CDH4: variants seen among roughly 807,000 people sequenced by gnomAD.
The protein encoded by CDH4 is cadherin 4.
Under a neutral mutation model 86.0 loss-of-function variants are expected in CDH4, and 33 were observed. The observed-to-expected ratio is 0.38, with a 90% CI of 0.29 to 0.51. The LOEUF is 0.51. Ranked by LOEUF, CDH4 falls within the 20% of genes least tolerant of loss-of-function variation. The pLI is 0.86. For synonymous variants in CDH4, 555 were observed against 549.4 expected (o/e 1.01, Z -0.14); for missense variants, 1,114 against 1,307.4 (o/e 0.85, Z 2.28).
At chr20:61,915,112 G>A (rs900038043) in intron 9 of CDH4, among the ~76,000 whole-genome samples, 1 of 152,230 alleles carries the variant, frequency 6.6e-6, no homozygotes, top group Non-Finnish European at 1.5e-5. Context: ...CCATTTCACA[G>A]ATGGCATAAC....
intron 2 of CDH4, among the ~76,000 whole-genome samples, chr20:61,523,322 T>C (rs1322300146): frequency 2.0e-5 from 3 of 152,260 alleles, no homozygotes; most frequent in Non-Finnish European, 4.4e-5. Flanking sequence ...CGCTGGTCTC[T>C]GCTCGCCGGT....
intron 2 of CDH4, among the ~76,000 whole-genome samples, chr20:61,469,921 G>A (rs1265515858): frequency 6.6e-6 from 1 of 152,044 alleles, no homozygotes; most frequent in African/African-American, 2.4e-5. Flanking sequence ...TGGCTTATGT[G>A]TCTGTTTTTA....
intron 2 of CDH4, among the ~76,000 whole-genome samples, chr20:61,496,867 C>T (rs757434976): frequency 4.0e-5 from 6 of 151,760 alleles, no homozygotes; most frequent in African/African-American, 7.3e-5. Context: ...CTGCATGCAG[C>T]TTGGGCTATG....
chr20:61,556,567 G>T (rs954391157), intron 2 of CDH4, among the ~76,000 whole-genome samples: 1 of 152,098 alleles, frequency 6.6e-6, no homozygotes, highest in Non-Finnish European at 1.5e-5. Context: ...GGAACAAGGG[G>T]GCCTCTTGGC....
intron 2 of CDH4, among the ~76,000 whole-genome samples, chr20:61,483,420 T>C (rs2145581066): frequency 6.6e-6 from 1 of 152,322 alleles, no homozygotes; most frequent in South Asian, 2.1e-4. Flanking sequence ...CTCATGTCGA[T>C]TGCTTGAAGA....
At chr20:61,834,856 C>T (rs1433642317) in intron 4 of CDH4, among the ~76,000 whole-genome samples, 1 of 152,202 alleles carries the variant, frequency 6.6e-6, no homozygotes, top group African/African-American at 2.4e-5. Flanking sequence ...GGCTTCTGTG[C>T]AGTGACAGCT....
intron 2 of CDH4, among the ~76,000 whole-genome samples, chr20:61,336,245 TTTTTTC>T (rs1171645054): frequency 2.0e-5 from 3 of 152,188 alleles, no homozygotes; most frequent in African/African-American, 7.2e-5. Context: ...AATAAGCCTT[TTTTTTC>T]TTATCTATAC....
intron 6 of CDH4, among the ~76,000 whole-genome samples, chr20:61,856,174 C>T (rs544885849): frequency 8.1e-4 from 123 of 152,298 alleles, no homozygotes; most frequent in African/African-American, 2.7e-3. Context: ...GAAAAACTAC[C>T]GCCAGAAATT....
intron 2 of CDH4, among the ~76,000 whole-genome samples, chr20:61,547,437 A>G (rs536969003): frequency 6.6e-6 from 1 of 151,692 alleles, no homozygotes; most frequent in South Asian, 2.1e-4. Flanking sequence ...GATGGTCTCG[A>G]TCTCCTGACC....
chr20:61,301,251 G>T (rs73319112), intron 2 of CDH4, among the ~76,000 whole-genome samples: 3,553 of 152,354 alleles, frequency 0.023, 154 homozygotes, highest in African/African-American at 0.082. Context: ...GTAAATGCCT[G>T]AGGGCTGCTG....
intron 2 of CDH4, among the ~76,000 whole-genome samples, chr20:61,435,199 C>A (rs749721319): frequency 6.6e-6 from 1 of 152,238 alleles, no homozygotes; most frequent in African/African-American, 2.4e-5. Context: ...GTAACAGGGA[C>A]TGACTGCGCC....
intron 2 of CDH4, among the ~76,000 whole-genome samples, chr20:61,296,789 G>A (rs2084357576): frequency 6.6e-6 from 1 of 152,126 alleles, no homozygotes; most frequent in South Asian, 2.1e-4. Flanking sequence ...TGAACTGGGC[G>A]TTTCAGGCCA....
rs964846003 is a variant in CDH4, at chr20:61,485,167, C to T, written c.169+230230C>T. Among the ~76,000 whole-genome samples the T allele has an allele frequency of 5.9e-5, 9 of 152,270 alleles. No homozygotes were observed. The East Asian group carries it at 9.7e-4, about 16-fold the overall frequency. On this transcript the variant is annotated intron_variant, in intron 2 of 15. Coordinates refer to ENST00000614565, the MANE Select transcript of CDH4 (RefSeq NM_001794.5). ...TGAAGTCAGCACCCCTGTTCCATTG[C>T]GAGATGTGTTTGGCAGCCGTGAGCT... is the stretch of plus-strand genomic sequence containing the variant.
At chr20:61,596,949 C>T (rs1449084321) in intron 2 of CDH4, among the ~76,000 whole-genome samples, 1 of 152,162 alleles carries the variant, frequency 6.6e-6, no homozygotes, top group African/African-American at 2.4e-5. Context: ...ATCATATTGG[C>T]ATGTAGTTAT....
At chr20:61,495,555 G>T (rs138130900) in intron 2 of CDH4, among the ~76,000 whole-genome samples, 2,545 of 152,288 alleles carry the variant, frequency 0.017, 36 homozygotes, top group East Asian at 0.061. Context: ...TGAGACTGCA[G>T]CCTGGGCGAC....
intron 2 of CDH4, among the ~76,000 whole-genome samples, chr20:61,629,170 C>A (rs1020345726): frequency 6.6e-6 from 1 of 152,180 alleles, no homozygotes. Flanking sequence ...GGAGGAGGCA[C>A]GTGCTTGTCT....
chr20:61,833,361 C>G (rs1046039791), intron 4 of CDH4, among the ~76,000 whole-genome samples: 1 of 152,154 alleles, frequency 6.6e-6, no homozygotes, highest in Non-Finnish European at 1.5e-5. Flanking sequence ...ATTCAATCAT[C>G]CACTCTGGTT....
chr20:61,526,184 G>C (rs1346945035), intron 2 of CDH4, among the ~76,000 whole-genome samples: 1 of 151,610 alleles, frequency 6.6e-6, no homozygotes, highest in South Asian at 2.1e-4. Context: ...CCCTCCCCGG[G>C]TGGTTCTGTC....
At chr20:61,884,651 G>A (rs1010857321) in intron 7 of CDH4, among the ~76,000 whole-genome samples, 12 of 152,116 alleles carry the variant, frequency 7.9e-5, no homozygotes, top group East Asian at 1.9e-4. Context: ...CCGCACCCCC[G>A]GACCTGCATT....
Sources: allele counts gnomAD v4.1 joint callset (sites outside exome capture counted in the v4.1 genomes callset), GRCh38; gene constraint gnomAD v4.1.1; transcripts MANE v1.5; gene names NCBI Gene and HGNC (gene_info 2026-07-23, HGNC 2026-07-21).